Variants in NUDT4 observed in about 807,000 individuals in gnomAD.
NUDT4 encodes the protein nudix hydrolase 4, also known as diphosphoinositol polyphosphate phosphohydrolase 2.
A neutral mutation model predicts 23.1 loss-of-function variants in NUDT4; 5 were observed. The observed-to-expected ratio is 0.22, with a 90% CI of 0.11 to 0.46. The LOEUF (loss-of-function observed/expected upper bound fraction) is 0.46, where lower values mean the gene tolerates loss of function less well. Ranked by LOEUF, NUDT4 falls within the 20% of genes least tolerant of loss-of-function variation. The pLI is 0.99. For missense variants in NUDT4, 96 were observed against 211.6 expected (o/e 0.45, Z 3.39); for synonymous variants, 50 against 79.0 (o/e 0.63, Z 1.95).
intron 1 of NUDT4, among the ~76,000 whole-genome samples, chr12:93,388,472 A>T (rs1876258478): frequency 6.6e-6 from 1 of 152,218 alleles, no homozygotes; most frequent in Non-Finnish European, 1.5e-5. Context: ...TAAGGAACAA[A>T]ATCAGCAACT....
chr12:93,378,602 TGATA>T (rs1376418105), intron 1 of NUDT4, 181 bp downstream of exon 1: 5 of 1,266,910 alleles, frequency 3.9e-6, no homozygotes, highest in Non-Finnish European at 5.0e-6. Flanking sequence ...TTCTCTGGGC[TGATA>T]GATGAGACAA....
Position 93,404,188 on chromosome 12 carries a change from GAC to G in NUDT4, c.*4810_*4811del, listed in dbSNP as rs1877667123. On this transcript the variant is annotated 3_prime_UTR_variant, in exon 5 of 5. Transcript: ENST00000415493. ...ATCAACCTTAAGAAACATGCCTATTGACGAAGTAAATATACTAGGAATTCAAC... is the reference window on the plus strand; with the variant it reads ...ATCAACCTTAAGAAACATGCCTATTGGAAGTAAATATACTAGGAATTCAAC... 6.6e-6 allele frequency: 1 copy of G among 152,074 alleles called. No homozygotes were observed. Among genetic ancestry groups the G allele is most frequent in the African/African-American group, 2.4e-5 (1 of 41,404 alleles). 9.4% of individuals were successfully genotyped at this position (152,074 alleles called of 1,614,324 possible).
At chr12:93,386,503 C>T (rs1366565957) in intron 1 of NUDT4, among the ~76,000 whole-genome samples, 12 of 151,844 alleles carry the variant, frequency 7.9e-5, no homozygotes, top group Non-Finnish European at 1.3e-4. Context: ...TTGCTTGAAC[C>T]CAGGAGGCAA....
In NUDT4 at chr12:93,394,730, C is replaced by G; in HGVS notation, c.210+11C>G. 6.7e-7 allele frequency: 1 copy of G among 1,493,368 alleles called. No individual in the cohort carries two copies. The highest frequency in any genetic ancestry group is 9.1e-7 in the Non-Finnish European group (1 of 1,093,762). 92.5% of individuals were successfully genotyped at this position (1,493,368 alleles called of 1,614,324 possible). On this transcript the variant is annotated intron_variant, in intron 2 of 4. Transcript: ENST00000415493. ...GAAGTTTATGAGGAGGTGAGATGTT[C>G]TTTCACACAAATTCTGTTTCGGAGT...
chr12:93,394,058 G>A (rs879409253), intron 1 of NUDT4, among the ~76,000 whole-genome samples: 28 of 152,180 alleles, frequency 1.8e-4, no homozygotes, highest in Admixed American at 9.8e-4. Context: ...GCTGGAGTAT[G>A]GTGGCACGAT....
rs879836802 is a variant in NUDT4, at chr12:93,406,688, C to T, written c.*7309C>T. The T allele has an allele frequency of 6.6e-6, 1 of 152,152 alleles. No individual in the cohort carries two copies. Among genetic ancestry groups the T allele is most frequent in the Non-Finnish European group, 1.5e-5 (1 of 68,042 alleles). 9.4% of individuals were successfully genotyped at this position (152,152 alleles called of 1,614,324 possible). A position where few individuals can be genotyped will look rare whatever the true frequency, so the allele number is the denominator to read the frequency against. Reference sequence around the variant, plus strand: ...CAATAGTGTAACTATTTACATAGCACTTACATTATAATAGGTATTATAAGT... The same window carrying T: ...CAATAGTGTAACTATTTACATAGCATTTACATTATAATAGGTATTATAAGT... On this transcript the variant is annotated 3_prime_UTR_variant, in exon 5 of 5. Coordinates refer to ENST00000415493, the MANE Select transcript of NUDT4 (RefSeq NM_019094.6).
chr12:93,379,419 A>G (rs544868028), intron 1 of NUDT4, among the ~76,000 whole-genome samples: 1 of 149,074 alleles, frequency 6.7e-6, no homozygotes, highest in South Asian at 2.1e-4. Context: ...CCAACCGTGT[A>G]TAAAATACTA....
intron 1 of NUDT4, among the ~76,000 whole-genome samples, chr12:93,388,686 T>G (rs1270475759): frequency 2.6e-5 from 4 of 152,200 alleles, no homozygotes; most frequent in Admixed American, 6.5e-5. Context: ...GAAAAGCATT[T>G]TAAAGTGGTA....
intron 1 of NUDT4, among the ~76,000 whole-genome samples, chr12:93,384,741 C>T (rs1252169453): frequency 6.6e-6 from 1 of 151,964 alleles, no homozygotes; most frequent in Non-Finnish European, 1.5e-5. Context: ...GGGTTGGTTT[C>T]CTGTTGACTA....
In NUDT4 at chr12:93,399,445, G is replaced by T; in HGVS notation, c.*66G>T. The T allele has an allele frequency of 2.1e-6, 1 of 479,492 alleles. No individual in the cohort carries two copies. Among genetic ancestry groups the T allele is most frequent in the Non-Finnish European group, 3.6e-6 (1 of 279,842 alleles). The allele number at this position is 479,492 out of a possible 1,614,324, so 29.7% of individuals were successfully genotyped here. Reference sequence around the variant, plus strand: ...GGGGAGAGGCTTCTTTCGTTTCCTCGTCAAACATCTGATTGACGCTTGCAA... The same window carrying T: ...GGGGAGAGGCTTCTTTCGTTTCCTCTTCAAACATCTGATTGACGCTTGCAA... On this transcript the variant is annotated 3_prime_UTR_variant, in exon 5 of 5. Coordinates refer to ENST00000415493, the MANE Select transcript of NUDT4 (RefSeq NM_019094.6).
chr12:93,383,940 T>C (rs941276344), intron 1 of NUDT4, among the ~76,000 whole-genome samples: 2 of 152,162 alleles, frequency 1.3e-5, no homozygotes, highest in African/African-American at 2.4e-5. Flanking sequence ...TCCGCTCCCC[T>C]TCCCGGGAAC....
intron 1 of NUDT4, among the ~76,000 whole-genome samples, chr12:93,379,814 C>A (rs1026435531): frequency 3.9e-5 from 6 of 152,132 alleles, no homozygotes; most frequent in African/African-American, 1.4e-4. Context: ...AAAGCCTTAG[C>A]GGAAAGGGGC....
intron 1 of NUDT4, among the ~76,000 whole-genome samples, chr12:93,381,949 A>C (rs1192772528): frequency 6.6e-6 from 1 of 152,186 alleles, no homozygotes; most frequent in East Asian, 1.9e-4. Context: ...GGCATTAACA[A>C]ATCAGTCTGA....
rs537763431 is a variant in NUDT4, at chr12:93,404,703, A to G, written c.*5324A>G. 4 of 152,336 alleles carry G rather than the reference A, an allele frequency of 2.6e-5. No homozygotes were observed. The highest frequency in any genetic ancestry group is 9.6e-5 in the African/African-American group (4 of 41,572). The allele number at this position is 152,336 out of a possible 1,614,324, so 9.4% of individuals were successfully genotyped here. A position where few individuals can be genotyped will look rare whatever the true frequency, so the allele number is the denominator to read the frequency against. ...CTAGACAGAACTACCTGTTTTATGC[A>G]TGTATTGGCATACACTGAAAAAGCT... On this transcript the variant is annotated 3_prime_UTR_variant, in exon 5 of 5. Coordinates refer to ENST00000415493, the MANE Select transcript of NUDT4 (RefSeq NM_019094.6).
intron 1 of NUDT4, among the ~76,000 whole-genome samples, chr12:93,389,095 A>G (rs1446284980): frequency 6.6e-6 from 1 of 152,254 alleles, no homozygotes; most frequent in East Asian, 1.9e-4. Context: ...ATATTAGCAC[A>G]TCTGCCTTAA....
intron 1 of NUDT4, chr12:93,378,841 T>C: frequency 1.0e-6 from 1 of 961,374 alleles, no homozygotes; most frequent in Non-Finnish European, 1.2e-6. Flanking sequence ...TTTCCTTCCA[T>C]GTTACAGCCG....
chr12:93,377,935 G>GCGC lies in NUDT4; in HGVS notation c.-388_-387insCGC. ...GAGGGGGCGGCGCGCGGTCGCCGCG[G>GCGC]TGCTGCTGCTCAGTGGGAGCGGGTC... is the stretch of plus-strand genomic sequence containing the variant. On this transcript the variant is annotated 5_prime_UTR_variant, in exon 1 of 5. Transcript: ENST00000415493. 1 of 315,690 alleles carries GCGC rather than the reference G, an allele frequency of 3.2e-6. No individual in the cohort carries two copies. Among genetic ancestry groups the GCGC allele is most frequent in the South Asian group, 2.6e-5 (1 of 38,760 alleles). 19.6% of individuals were successfully genotyped at this position (315,690 alleles called of 1,614,324 possible).
intron 1 of NUDT4, among the ~76,000 whole-genome samples, chr12:93,393,885 T>C (rs11107009): frequency 0.021 from 3,133 of 152,348 alleles, 49 homozygotes; most frequent in Admixed American, 0.032. Flanking sequence ...TCTTATTTTT[T>C]AGGTGAGGAA....
At chr12:93,397,031 A>C (rs1217147786) in intron 3 of NUDT4, among the ~76,000 whole-genome samples, 1 of 152,230 alleles carries the variant, frequency 6.6e-6, no homozygotes. Context: ...TGTTTGAAGA[A>C]AATGTCTCAC....
Sources: allele counts gnomAD v4.1 joint callset (sites outside exome capture counted in the v4.1 genomes callset), GRCh38; gene constraint gnomAD v4.1.1; transcripts MANE v1.5; gene names NCBI Gene and HGNC (gene_info 2026-07-23, HGNC 2026-07-21).